SLC5A3: variants seen among roughly 807,000 people sequenced by gnomAD.
SLC5A3 encodes solute carrier family 5 member 3.
Under a neutral mutation model 43.2 loss-of-function variants are expected in SLC5A3, and 10 were observed. The ratio of observed to expected loss-of-function variants is 0.23; its 90% CI spans 0.14 to 0.39. The LOEUF is 0.39. SLC5A3 is among the 10% of genes least tolerant of loss of function. The probability of loss-of-function intolerance (pLI) is 1.00; values close to 1 mark genes in which losing one functional copy is unlikely to be tolerated. For synonymous variants in SLC5A3, 349 were observed against 322.0 expected (o/e 1.08, Z -0.90); for missense variants, 608 against 893.4 (o/e 0.68, Z 4.07).
In SLC5A3 at chr21:34,098,046, A is replaced by G. The variant is rs368611638; in HGVS notation, c.*691A>G. Reference sequence around the variant, plus strand: ...TAAGTGAACCATACTGAAATGACCAACAAGTCTGCCTGTAAAGTTACATGT... The same window carrying G: ...TAAGTGAACCATACTGAAATGACCAGCAAGTCTGCCTGTAAAGTTACATGT... On this transcript the variant is annotated 3_prime_UTR_variant, in exon 2 of 2. Transcript: ENST00000381151. 9.0e-6 allele frequency: 9 copies of G among 999,634 alleles called. No homozygotes were observed. Among genetic ancestry groups the G allele is most frequent in the South Asian group, 4.7e-5 (1 of 21,282 alleles). The allele number at this position is 999,634 out of a possible 1,614,324, so 61.9% of individuals were successfully genotyped here.
chr21:34,078,847 A>G (rs183219334), intron 1 of SLC5A3, among the ~76,000 whole-genome samples: 78 of 152,260 alleles, frequency 5.1e-4, no homozygotes, highest in Admixed American at 1.1e-3. Context: ...TTCCTATTTA[A>G]TGTTCTTAGC....
chr21:34,098,810 G>T lies in SLC5A3; in HGVS notation c.*1455G>T. The stretch of plus-strand genomic sequence containing the variant: ...AAAGCTCTACAGATTACGTACTTCT[G>T]TGTCTTCGTATGCTCAACACTGTCC... On this transcript the variant is annotated 3_prime_UTR_variant, in exon 2 of 2. Transcript: ENST00000381151. 1.0e-6 allele frequency: 1 copy of T among 1,000,004 alleles called. No homozygotes were observed. Among genetic ancestry groups the T allele is most frequent in the Non-Finnish European group, 1.2e-6 (1 of 829,764 alleles). The allele number at this position is 1,000,004 out of a possible 1,614,324, so 61.9% of individuals were successfully genotyped here.
intron 1 of SLC5A3, among the ~76,000 whole-genome samples, chr21:34,077,685 A>G (rs1257743979): frequency 6.6e-6 from 1 of 152,238 alleles, no homozygotes; most frequent in Non-Finnish European, 1.5e-5. Flanking sequence ...TACTCAACGC[A>G]GATTATATTT....
Position 34,102,081 on chromosome 21 carries a change from T to A in SLC5A3, c.*4726T>A. 1.0e-6 allele frequency: 1 copy of A among 1,000,092 alleles called. No individual in the cohort carries two copies. Among genetic ancestry groups the A allele is most frequent in the Non-Finnish European group, 1.2e-6 (1 of 829,818 alleles). The allele number at this position is 1,000,092 out of a possible 1,614,324, so 62.0% of individuals were successfully genotyped here. A position where few individuals can be genotyped will look rare whatever the true frequency, so the allele number is the denominator to read the frequency against. On this transcript the variant is annotated 3_prime_UTR_variant, in exon 2 of 2. Transcript: ENST00000381151. ...GTAATCTTTCGATTGCTAGACTTGG[T>A]TAACTTAGGGCTGCAAATCTTTTTC...
rs1602938575 is a variant in SLC5A3 at position 34,103,025 on chromosome 21, A to G, written c.*5670A>G. 1.4e-5 allele frequency: 14 copies of G among 999,982 alleles called. No individual in the cohort carries two copies. Among genetic ancestry groups the G allele is most frequent in the East Asian group, 1.1e-4 (1 of 8,830 alleles). 61.9% of individuals were successfully genotyped at this position (999,982 alleles called of 1,614,324 possible). ...ACAGAGTAGTCTAGATAAGTTTTCA[A>G]TTTATCAACATAGCCTAGACTTCTG... On this transcript the variant is annotated 3_prime_UTR_variant, in exon 2 of 2. Coordinates refer to ENST00000381151, the MANE Select transcript of SLC5A3 (RefSeq NM_006933.7).
rs35280535 is a variant in SLC5A3, at chr21:34,097,427, G to GT, written c.*73dup. On this transcript the variant is annotated 3_prime_UTR_variant, in exon 2 of 2. Transcript: ENST00000381151. ...CTTTGGGGAAAAAAGTTATGTAACTGTGCATCTCTCAGGCATTGTTTACGC... is the reference window on the plus strand; with the variant it reads ...CTTTGGGGAAAAAAGTTATGTAACTGTTGCATCTCTCAGGCATTGTTTACGC... 1 allele frequency: 1,507,649 copies of GT among 1,507,694 alleles called. 753,802 individuals are homozygous for GT. The highest frequency in any genetic ancestry group is 1 in the Middle Eastern group (4,408 of 4,408). 93.4% of individuals were successfully genotyped at this position (1,507,694 alleles called of 1,614,324 possible). A position where few individuals can be genotyped will look rare whatever the true frequency, so the allele number is the denominator to read the frequency against.
chr21:34,104,878 T>G lies in SLC5A3; in HGVS notation c.*7523T>G, dbSNP rs1284333708. On this transcript the variant is annotated 3_prime_UTR_variant, in exon 2 of 2. Coordinates refer to ENST00000381151, the MANE Select transcript of SLC5A3 (RefSeq NM_006933.7). ...TGTAAGAACTGTACAAAAAAATGCT[T>G]CTGGAGATTTCTTTGGCAGAAATGC... The G allele has an allele frequency of 1.0e-6, 1 of 1,000,138 alleles. No individual in the cohort carries two copies. The highest frequency in any genetic ancestry group is 1.2e-6 in the Non-Finnish European group (1 of 829,934). 62.0% of individuals were successfully genotyped at this position (1,000,138 alleles called of 1,614,324 possible). A position where few individuals can be genotyped will look rare whatever the true frequency, so the allele number is the denominator to read the frequency against.
In SLC5A3 at chr21:34,097,243, CTGTT is replaced by C. The variant is rs777616705; in HGVS notation, c.2051_2054del (p.Cys684TyrfsTer4). On this transcript the variant is annotated frameshift_variant, in exon 2 of 2. Coordinates refer to ENST00000381151, the MANE Select transcript of SLC5A3 (RefSeq NM_006933.7). LOFTEE classifies it high-confidence loss of function. ...CTCAGAGACCTGATGGAAGAGGAGG[CTGTT>C]TGTTTACAGATGCTAGAAGAGACTC... is the stretch of plus-strand genomic sequence containing the variant. 2 of 1,613,962 alleles carry C rather than the reference CTGTT, an allele frequency of 1.2e-6. No individual in the cohort carries two copies. The highest frequency in any genetic ancestry group is 1.1e-5 in the South Asian group (1 of 91,072).
At chr21:34,075,077 C>T (rs962205324) in intron 1 of SLC5A3, among the ~76,000 whole-genome samples, 1 of 152,140 alleles carries the variant, frequency 6.6e-6, no homozygotes, top group Admixed American at 6.5e-5. Flanking sequence ...TATGTAACTC[C>T]GAAAGGATAG....
At chr21:34,083,835 A>G (rs1785418442) in intron 1 of SLC5A3, among the ~76,000 whole-genome samples, 1 of 152,178 alleles carries the variant, frequency 6.6e-6, no homozygotes. Flanking sequence ...ATTTTTCCTA[A>G]TGTCACTGTC....
chr21:34,081,326 A>T (rs1375128601), intron 1 of SLC5A3, among the ~76,000 whole-genome samples: 1 of 152,166 alleles, frequency 6.6e-6, no homozygotes, highest in Non-Finnish European at 1.5e-5. Context: ...TGACCCCTAT[A>T]TTGAGGTTGG....
At position 34,103,333 on chromosome 21, in the gene SLC5A3, A is replaced by C. The variant is rs1979332528; in HGVS notation, c.*5978A>C. 1.0e-6 allele frequency: 1 copy of C among 965,616 alleles called. No individual in the cohort carries two copies. The highest frequency in any genetic ancestry group is 1.2e-6 in the Non-Finnish European group (1 of 801,156). 59.8% of individuals were successfully genotyped at this position (965,616 alleles called of 1,614,324 possible). A position where few individuals can be genotyped will look rare whatever the true frequency, so the allele number is the denominator to read the frequency against. ...AAGGAAGTAAAAAAAAAAAAAAAAC[A>C]TGCATTACATTGACATACTTTATGT... is the stretch of plus-strand genomic sequence containing the variant. On this transcript the variant is annotated 3_prime_UTR_variant, in exon 2 of 2. Transcript: ENST00000381151.
At chr21:34,074,394 G>C (rs1989272112) in intron 1 of SLC5A3, among the ~76,000 whole-genome samples, 1 of 152,226 alleles carries the variant, frequency 6.6e-6, no homozygotes, top group South Asian at 2.1e-4. Context: ...GGTGCCCTTA[G>C]CCCAGTTTCA....
At position 34,097,462 on chromosome 21, in the gene SLC5A3, T is replaced by C; in HGVS notation, c.*107T>C. On this transcript the variant is annotated 3_prime_UTR_variant, in exon 2 of 2. Transcript: ENST00000381151. ...CAGGCATTGTTTACGCTGTAGGTTT[T>C]AGCCAAATTTTACTTAGCAGAAAAT... The C allele has an allele frequency of 6.9e-7, 1 of 1,459,372 alleles. No individual in the cohort carries two copies. Among genetic ancestry groups the C allele is most frequent in the Non-Finnish European group, 9.0e-7 (1 of 1,106,580 alleles). The allele number at this position is 1,459,372 out of a possible 1,614,324, so 90.4% of individuals were successfully genotyped here.
chr21:34,100,857 A>G lies in SLC5A3; in HGVS notation c.*3502A>G, dbSNP rs899387974. On this transcript the variant is annotated 3_prime_UTR_variant, in exon 2 of 2. Coordinates refer to ENST00000381151, the MANE Select transcript of SLC5A3 (RefSeq NM_006933.7). ...GGTTATTTTCATTCTTTACCACCAA[A>G]TAAAGCGGCTTATTAGCTACTCAGT... 5.0e-6 allele frequency: 5 copies of G among 1,000,154 alleles called. No homozygotes were observed. The African/African-American group carries it at 8.7e-5, about 17-fold the overall frequency. 62.0% of individuals were successfully genotyped at this position (1,000,154 alleles called of 1,614,324 possible).
At position 34,099,732 on chromosome 21, in the gene SLC5A3, G is replaced by A. The variant is rs1221494584; in HGVS notation, c.*2377G>A. ...ATCATCTTGTGTCTGTGTGTATATA[G>A]CAGTAGGTCAAGTTTAGAGTACTAA... On this transcript the variant is annotated 3_prime_UTR_variant, in exon 2 of 2. Transcript: ENST00000381151. 1.0e-6 allele frequency: 1 copy of A among 996,114 alleles called. No individual in the cohort carries two copies. The highest frequency in any genetic ancestry group is 1.8e-5 in the African/African-American group (1 of 57,120). The allele number at this position is 996,114 out of a possible 1,614,324, so 61.7% of individuals were successfully genotyped here. A position where few individuals can be genotyped will look rare whatever the true frequency, so the allele number is the denominator to read the frequency against.
At chr21:34,084,407 C>CA (rs1243236384) in intron 1 of SLC5A3, among the ~76,000 whole-genome samples, 4 of 152,020 alleles carry the variant, frequency 2.6e-5, no homozygotes, top group African/African-American at 7.3e-5. Context: ...AAAAAAAACA[C>CA]AAAGTTGACC....
At position 34,097,768 on chromosome 21, in the gene SLC5A3, T is replaced by TCCTA. The variant is rs1023622101; in HGVS notation, c.*416_*419dup. ...TTTTTTTTTCTGTCTCTGTAATCCC[T>TCCTA]CCTACCATTAAGAAAAACTTATTTC... On this transcript the variant is annotated 3_prime_UTR_variant, in exon 2 of 2. Transcript: ENST00000381151. The TCCTA allele has an allele frequency of 6.0e-6, 6 of 1,001,436 alleles. No individual in the cohort carries two copies. Among genetic ancestry groups the TCCTA allele is most frequent in the African/African-American group, 5.2e-5 (3 of 57,254 alleles). The allele number at this position is 1,001,436 out of a possible 1,614,324, so 62.0% of individuals were successfully genotyped here.
rs1332719144 is a variant in SLC5A3, at chr21:34,105,690, A to G, written c.*8335A>G. ...GTTGATGAACATTAATTTTGTTATT[A>G]GTGAGTTTTTTGAATTGTAAATGGA... is the stretch of plus-strand genomic sequence containing the variant. On this transcript the variant is annotated 3_prime_UTR_variant, in exon 2 of 2. Transcript: ENST00000381151. The G allele has an allele frequency of 1.0e-6, 1 of 998,190 alleles. No homozygotes were observed. The highest frequency in any genetic ancestry group is 1.2e-6 in the Non-Finnish European group (1 of 828,276). The allele number at this position is 998,190 out of a possible 1,614,324, so 61.8% of individuals were successfully genotyped here.
Sources: allele counts gnomAD v4.1 joint callset (sites outside exome capture counted in the v4.1 genomes callset), GRCh38; gene constraint gnomAD v4.1.1; transcripts MANE v1.5; gene names NCBI Gene and HGNC (gene_info 2026-07-23, HGNC 2026-07-21).